The following CARMIL1 variants were observed in gnomAD, a reference collection of about 807,000 sequenced individuals.
CARMIL1 encodes the protein F-actin-uncapping protein LRRC16A.
A neutral mutation model predicts 177.1 loss-of-function variants in CARMIL1; 90 were observed. That is an observed-to-expected ratio of 0.51 (90% CI 0.43 to 0.61). The LOEUF (loss-of-function observed/expected upper bound fraction) is 0.61, where lower values mean the gene tolerates loss of function less well. Ranked by LOEUF, CARMIL1 falls within the 20% of genes least tolerant of loss-of-function variation. The pLI, the probability that CARMIL1 is intolerant of heterozygous loss-of-function variation, is 0.00. For missense variants in CARMIL1, 1,380 were observed against 1,667.0 expected, an observed-to-expected ratio of 0.83 and a Z score of 3.00; for synonymous variants, 577 against 606.2, an observed-to-expected ratio of 0.95 and a Z score of 0.71.
intron 2 of CARMIL1, among the ~76,000 whole-genome samples, chr6:25,342,673 A>AAGTTTC (rs1181108236): frequency 2.6e-5 from 4 of 152,038 alleles, no homozygotes; most frequent in African/African-American, 9.7e-5. Flanking sequence ...CATGACCAAA[A>AAGTTTC]AGTTTCATTT....
rs113717329 is a variant in CARMIL1 at position 25,472,663 on chromosome 6, C to T, written c.874+142C>T. On this transcript the variant is annotated intron_variant, in intron 11 of 36. Coordinates refer to ENST00000329474, the MANE Select transcript of CARMIL1 (RefSeq NM_017640.6). ...TGGTCCTGTTGGCTTCCAGTTCTTTCCACCCTTTCATATAAATGCTTATGT... is the reference window on the plus strand; with the variant it reads ...TGGTCCTGTTGGCTTCCAGTTCTTTTCACCCTTTCATATAAATGCTTATGT... 1.5e-4 allele frequency: 90 copies of T among 615,754 alleles called. 1 individual carries two copies. Among genetic ancestry groups the T allele is most frequent in the African/African-American group, 1.4e-3 (75 of 54,092 alleles). 38.1% of individuals were successfully genotyped at this position (615,754 alleles called of 1,614,324 possible). A position where few individuals can be genotyped will look rare whatever the true frequency, so the allele number is the denominator to read the frequency against.
At chr6:25,578,025 C>G (rs1340312099) in intron 29 of CARMIL1, among the ~76,000 whole-genome samples, 3 of 152,082 alleles carry the variant, frequency 2.0e-5, no homozygotes, top group African/African-American at 7.2e-5. Flanking sequence ...TTATTGCTTG[C>G]AAGATGCATT....
chr6:25,396,310 A>G (rs9467485), intron 2 of CARMIL1, among the ~76,000 whole-genome samples: 63,503 of 151,598 alleles, frequency 0.42, 13,507 homozygotes, highest in Middle Eastern at 0.58. Context: ...GACCTTCACC[A>G]GAAGCAAAAC....
rs1050197611 is a variant in CARMIL1 at position 25,558,538 on chromosome 6, A to G, written c.2742+1688A>G. 6.6e-5 allele frequency among the ~76,000 whole-genome samples: 10 copies of G among 152,238 alleles called. No individual in the cohort carries two copies. Among genetic ancestry groups the G allele is most frequent in the Non-Finnish European group, 1.5e-4 (10 of 68,032 alleles). ...TGGAGGAAAGGAATAATTTTAAAAAATGCAGTTGGAAGACCACCCTCAGAA... is the reference window on the plus strand; with the variant it reads ...TGGAGGAAAGGAATAATTTTAAAAAGTGCAGTTGGAAGACCACCCTCAGAA... On this transcript the variant is annotated intron_variant, in intron 29 of 36. Coordinates refer to ENST00000329474, the MANE Select transcript of CARMIL1 (RefSeq NM_017640.6). This position sits in a 1 kb window ranked among gnomAD's most constrained non-coding sequence, Gnocchi z 4.1.
intron 29 of CARMIL1, among the ~76,000 whole-genome samples, chr6:25,559,510 G>A (rs1300740522): frequency 6.6e-6 from 1 of 152,178 alleles, no homozygotes. Context: ...GTACATGCAC[G>A]CAACCTTTCC....
At chr6:25,576,270 G>T (rs954896535) in intron 29 of CARMIL1, among the ~76,000 whole-genome samples, 8 of 151,670 alleles carry the variant, frequency 5.3e-5, no homozygotes, top group Non-Finnish European at 1.0e-4. Flanking sequence ...AGAAAATAAA[G>T]AAAAAAATTA....
At position 25,279,582 on chromosome 6, in the gene CARMIL1, A is replaced by G. The variant is rs1472368491; in HGVS notation, c.-214A>G. ...CTGCGAGGAGGCGTCATGTAGCAGC[A>G]GCAGCAAATCCGCCTCGCATTTGCA... On this transcript the variant is annotated 5_prime_UTR_variant, in exon 1 of 37. Transcript: ENST00000329474. 2 of 599,134 alleles carry G rather than the reference A, an allele frequency of 3.3e-6. No individual in the cohort carries two copies. The highest frequency in any genetic ancestry group is 3.0e-6 in the Non-Finnish European group (1 of 335,086). The allele number at this position is 599,134 out of a possible 1,614,324, so 37.1% of individuals were successfully genotyped here.
In CARMIL1 at chr6:25,294,113, C is replaced by T. The variant is rs372337044; in HGVS notation, c.138+9204C>T. On this transcript the variant is annotated intron_variant, in intron 2 of 36. Coordinates refer to ENST00000329474, the MANE Select transcript of CARMIL1 (RefSeq NM_017640.6). ...TTTAGATATGTGTAGATGCACAGGA[C>T]GTCCTCTTAGAGGTAGGAAGCAGGC... Among the ~76,000 whole-genome samples the T allele has an allele frequency of 6.6e-5, 10 of 151,932 alleles. No homozygotes were observed. The East Asian group carries it at 1.5e-3, about 23-fold the overall frequency.
chr6:25,606,299 G>A (rs1815962780), intron 35 of CARMIL1, 26 bp downstream of exon 35: 2 of 1,603,732 alleles, frequency 1.2e-6, no homozygotes, highest in East Asian at 4.5e-5. Flanking sequence ...TTAGGGAGTT[G>A]CATTGTGACC....
intron 2 of CARMIL1, among the ~76,000 whole-genome samples, chr6:25,414,113 C>T (rs746654089): frequency 2.0e-5 from 3 of 152,182 alleles, no homozygotes; most frequent in Non-Finnish European, 4.4e-5. Context: ...ACAACAGTAA[C>T]AGTCCTGCAG....
At chr6:25,307,313 T>C (rs1783355282) in intron 2 of CARMIL1, among the ~76,000 whole-genome samples, 1 of 152,250 alleles carries the variant, frequency 6.6e-6, no homozygotes, top group Non-Finnish European at 1.5e-5. Flanking sequence ...ATACTTACAT[T>C]ATGTCATGGA....
chr6:25,450,223 C>A (rs1019063474), intron 6 of CARMIL1, 116 bp from the exon 7 acceptor site: 1 of 797,284 alleles, frequency 1.3e-6, no homozygotes, highest in Non-Finnish European at 2.1e-6. Context: ...TGTTTTCCCC[C>A]CTAAAAAGGA....
At chr6:25,476,364 A>C (rs1262074097) in intron 11 of CARMIL1, among the ~76,000 whole-genome samples, 1 of 152,036 alleles carries the variant, frequency 6.6e-6, no homozygotes, top group Admixed American at 6.6e-5. Flanking sequence ...CATACCCTCA[A>C]ATTTTGACAT....
At chr6:25,537,750 T>G in intron 24 of CARMIL1, 105 bp from the exon 25 acceptor site, 1 of 1,345,148 alleles carries the variant, frequency 7.4e-7, no homozygotes, top group Non-Finnish European at 1.0e-6. Context: ...TTGTGCATTC[T>G]GTGGTTTGCT....
chr6:25,599,431 G>A (rs925611941), intron 32 of CARMIL1, among the ~76,000 whole-genome samples: 3 of 152,048 alleles, frequency 2.0e-5, no homozygotes, highest in Non-Finnish European at 4.4e-5. Flanking sequence ...TTTTAATGGC[G>A]ATTCAGGGGA....
chr6:25,613,038 C>G (rs1816624440), intron 36 of CARMIL1, among the ~76,000 whole-genome samples: 1 of 152,082 alleles, frequency 6.6e-6, no homozygotes, highest in African/African-American at 2.4e-5. Context: ...TTCTAAATCT[C>G]AACAGGATGG....
At chr6:25,387,737 T>G (rs1230733868) in intron 2 of CARMIL1, among the ~76,000 whole-genome samples, 1 of 152,182 alleles carries the variant, frequency 6.6e-6, no homozygotes, top group East Asian at 1.9e-4. Context: ...GACTTCTAAT[T>G]GAAGCAAACC....
At chr6:25,381,910 T>TC (rs1293116526) in intron 2 of CARMIL1, among the ~76,000 whole-genome samples, 1 of 151,904 alleles carries the variant, frequency 6.6e-6, no homozygotes, top group Non-Finnish European at 1.5e-5. Context: ...CGTGGTTGGT[T>TC]CCCCTGGCAA....
intron 36 of CARMIL1, among the ~76,000 whole-genome samples, chr6:25,615,960 C>T (rs1224752110): frequency 2.0e-5 from 3 of 152,234 alleles, no homozygotes; most frequent in Admixed American, 6.5e-5. Context: ...ACAGATATCA[C>T]GTTCGAGCCT....
Sources: gnomAD v4.1 joint callset for allele counts (sites outside exome capture counted in the v4.1 genomes callset) on GRCh38, gnomAD v4.1.1 for gene constraint, Gnocchi (gnomAD v3.1) non-coding constraint, MANE v1.5 for transcripts, NCBI Gene and HGNC (gene_info 2026-07-23, HGNC 2026-07-21) for gene names.